CCDC39: variants seen among roughly 807,000 people sequenced by gnomAD.
The protein encoded by CCDC39 is coiled-coil domain-containing protein 39.
A neutral mutation model predicts 121.0 loss-of-function variants in CCDC39; 113 were observed. That is an observed-to-expected ratio of 0.93 (90% CI 0.80 to 1.09). The LOEUF (loss-of-function observed/expected upper bound fraction) is 1.09. Among genes scored for constraint, CCDC39 ranks in the 50% least tolerant of loss-of-function variants. The pLI is 0.00. For missense variants in CCDC39, 1,063 were observed against 1,074.7 expected, an observed-to-expected ratio of 0.99 and a Z score of 0.15; for synonymous variants, 349 against 352.2, an observed-to-expected ratio of 0.99 and a Z score of 0.10.
At chr3:180,674,725 T>G (rs2108436101) in intron 1 of CCDC39, among the ~76,000 whole-genome samples, 1 of 152,338 alleles carries the variant, frequency 6.6e-6, no homozygotes, top group Non-Finnish European at 1.5e-5. Context: ...TTTCTGCATC[T>G]ATTGAGATAA....
rs13089403 is a variant in CCDC39 at position 180,679,361 on chromosome 3, G to C, written c.20C>G (p.Ala7Gly). The change falls in exon 1 of 20, where the codon GCT becomes GGT. Residue 7 changes from alanine (A) to glycine (G), a missense_variant. Ala to Gly is a moderately conservative substitution (Grantham distance 60, BLOSUM62 0). Transcript: ENST00000476379. The surrounding 1 kb of genome is among the most constrained non-coding windows in gnomAD (Gnocchi z 4.0). ...GAACCCATCCTCCCAGTGCAGCTCA[G>C]CCAGGAATTCGCTACTCATGACTGC... is the stretch of plus-strand genomic sequence containing the variant. MSSEFLAELHWEDGFAI... is the reference protein window; with the variant it reads MSSEFLGELHWEDGFAI... The C allele has an allele frequency of 6.2e-7, 1 of 1,613,854 alleles. No individual in the cohort carries two copies. The highest frequency in any genetic ancestry group is 1.7e-5 in the Admixed American group (1 of 60,020).
intron 12 of CCDC39, 79 bp from the exon 13 acceptor site, chr3:180,642,280 TAAAAC>T: frequency 7.8e-6 from 6 of 773,756 alleles, no homozygotes; most frequent in Non-Finnish European, 1.2e-5. Context: ...GCTATATAAG[TAAAAC>T]TTGAAAATAT....
At chr3:180,632,999 A>G (rs1259276130) in intron 13 of CCDC39, among the ~76,000 whole-genome samples, 1 of 152,254 alleles carries the variant, frequency 6.6e-6, no homozygotes, top group Non-Finnish European at 1.5e-5. Flanking sequence ...CAGTGGAAGT[A>G]AATGAAAAAG....
intron 14 of CCDC39, among the ~76,000 whole-genome samples, chr3:180,627,804 A>T (rs985377274): frequency 3.3e-5 from 5 of 152,190 alleles, no homozygotes; most frequent in African/African-American, 1.2e-4. Context: ...AAGACCAAAG[A>T]CAGGAGCTAT....
chr3:180,659,836 C>A, intron 4 of CCDC39, 67 bp from the exon 5 acceptor site: 1 of 1,032,936 alleles, frequency 9.7e-7, no homozygotes, highest in Non-Finnish European at 1.4e-6. Context: ...ATTAGTGTAT[C>A]TAACATTAAA....
chr3:180,651,318 T>C (rs576533948), intron 9 of CCDC39, 83 bp downstream of exon 9: 1 of 1,167,962 alleles, frequency 8.6e-7, no homozygotes, highest in African/African-American at 1.6e-5. Flanking sequence ...CAAGACCTCC[T>C]CGTCCTCTGA....
intron 19 of CCDC39, 78 bp downstream of exon 19, chr3:180,616,203 G>C: frequency 4.2e-6 from 5 of 1,198,258 alleles, no homozygotes; most frequent in Non-Finnish European, 3.7e-6. Flanking sequence ...TAACAGCTGC[G>C]GTGATGTAGA....
At chr3:180,675,808 T>C (rs1712182435) in intron 1 of CCDC39, among the ~76,000 whole-genome samples, 1 of 152,008 alleles carries the variant, frequency 6.6e-6, no homozygotes, top group Non-Finnish European at 1.5e-5. Context: ...TATAGACCAA[T>C]GGAACAGAAT....
chr3:180,644,004 G>A, intron 12 of CCDC39, 116 bp downstream of exon 12: 1 of 739,992 alleles, frequency 1.4e-6, no homozygotes, highest in Non-Finnish European at 2.1e-6. Context: ...TTTATATTGG[G>A]TATAGTGATT....
intron 6 of CCDC39, among the ~76,000 whole-genome samples, chr3:180,657,599 T>C (rs1229153300): frequency 6.6e-6 from 1 of 152,228 alleles, no homozygotes; most frequent in African/African-American, 2.4e-5. Flanking sequence ...TTGATACAGC[T>C]TGCTATTGCC....
At chr3:180,624,323 C>T (rs1001053568) in intron 14 of CCDC39, among the ~76,000 whole-genome samples, 1 of 152,118 alleles carries the variant, frequency 6.6e-6, no homozygotes, top group Admixed American at 6.5e-5. Flanking sequence ...AGGTGAGTTT[C>T]ATATAAGCAG....
intron 9 of CCDC39, among the ~76,000 whole-genome samples, chr3:180,649,145 GCTGGTAGGAGCACTAC>G (rs1718142255): frequency 6.6e-6 from 1 of 152,104 alleles, no homozygotes; most frequent in South Asian, 2.1e-4. Flanking sequence ...GCTCTTGTAA[GCTGGTAGGAGCACTAC>G]CAGCACACTA....
At chr3:180,643,027 T>G (rs1344900456) in intron 12 of CCDC39, among the ~76,000 whole-genome samples, 2 of 151,808 alleles carry the variant, frequency 1.3e-5, no homozygotes, top group African/African-American at 4.8e-5. Flanking sequence ...TGGTGCGATC[T>G]CCGCTTACTG....
At chr3:180,631,244 T>C (rs909933301) in intron 14 of CCDC39, among the ~76,000 whole-genome samples, 3 of 138,396 alleles carry the variant, frequency 2.2e-5, no homozygotes, top group Non-Finnish European at 1.6e-5. Context: ...CCTCACGGAC[T>C]AGAGGTATAT....
intron 7 of CCDC39, 132 bp from the exon 8 acceptor site, chr3:180,652,398 T>C (rs976767450): frequency 2.0e-6 from 1 of 500,372 alleles, no homozygotes; most frequent in Non-Finnish European, 3.5e-6. Context: ...GCCATTTTTT[T>C]ATATTTAATA....
intron 4 of CCDC39, among the ~76,000 whole-genome samples, chr3:180,660,050 T>A (rs927001426): frequency 6.6e-6 from 1 of 152,086 alleles, no homozygotes; most frequent in African/African-American, 2.4e-5. Flanking sequence ...TTGAAAGTTT[T>A]AAAATAATGC....
intron 1 of CCDC39, among the ~76,000 whole-genome samples, chr3:180,671,705 C>A (rs747107921): frequency 6.6e-5 from 10 of 152,116 alleles, no homozygotes; most frequent in African/African-American, 9.7e-5. Context: ...GGATTACAGG[C>A]ATGCACCACC....
chr3:180,661,062 T>C (rs1711730402), intron 3 of CCDC39, among the ~76,000 whole-genome samples: 1 of 151,950 alleles, frequency 6.6e-6, no homozygotes, highest in African/African-American at 2.4e-5. Context: ...CCACCCCAAA[T>C]ATATATGCAA....
At chr3:180,678,127 T>A (rs183591049) in intron 1 of CCDC39, among the ~76,000 whole-genome samples, 8 of 152,258 alleles carry the variant, frequency 5.3e-5, no homozygotes, top group Admixed American at 1.3e-4. Flanking sequence ...TTCATCTCCA[T>A]CTCCGCTTTA....
Sources: allele counts gnomAD v4.1 joint callset (sites outside exome capture counted in the v4.1 genomes callset), GRCh38; gene constraint gnomAD v4.1.1; non-coding constraint Gnocchi (gnomAD v3.1); transcripts MANE v1.5; gene names NCBI Gene and HGNC (gene_info 2026-07-23, HGNC 2026-07-21).